The following ATL1 variants were observed in gnomAD, a reference collection of about 807,000 sequenced individuals.
ATL1 encodes atlastin GTPase 1, also known as atlastin-1.
Under a neutral mutation model 75.5 loss-of-function variants are expected in ATL1, and 31 were observed. The observed-to-expected ratio is 0.41, with a 90% confidence interval of 0.31 to 0.55. The LOEUF (loss-of-function observed/expected upper bound fraction) is 0.55, where lower values mean the gene tolerates loss of function less well. Among genes scored for constraint, ATL1 ranks in the 20% least tolerant of loss-of-function variants. ATL1 has a pLI of 0.27. For synonymous variants in ATL1, 226 were observed against 233.3 expected (o/e 0.97, Z 0.28); for missense variants, 405 against 662.6 (o/e 0.61, Z 4.27).
intron 8 of ATL1, among the ~76,000 whole-genome samples, chr14:50,619,092 G>A (rs769410334): frequency 6.6e-6 from 1 of 151,892 alleles, no homozygotes; most frequent in African/African-American, 2.4e-5. Flanking sequence ...TCCCTCTGTC[G>A]CCCAAGCTGG....
rs2039590129 is a variant in ATL1, at chr14:50,632,288, C to G, written c.1626C>G (p.Phe542Leu). 6.2e-7 allele frequency: 1 copy of G among 1,613,524 alleles called. No homozygotes were observed. Among genetic ancestry groups the G allele is most frequent in the African/African-American group, 1.3e-5 (1 of 74,892 alleles). The change falls in exon 14 of 14, where the codon TTC becomes TTG. Residue 542 changes from phenylalanine (F) to leucine (L), a missense_variant. Transcript: ENST00000358385. ...ACAGACATCTGTATCATCAAGCTTT[C>G]CCTACACCAAAGTCGGAATCTACTG... is the stretch of plus-strand genomic sequence containing the variant. ...ATHRHLYHQA[F>L]PTPKSESTEQ...
chr14:50,597,769 A>C (rs535513945), intron 6 of ATL1, among the ~76,000 whole-genome samples: 1 of 152,044 alleles, frequency 6.6e-6, no homozygotes, highest in Non-Finnish European at 1.5e-5. Flanking sequence ...ATCTCGGCTC[A>C]CTGCAAGCTC....
intron 6 of ATL1, among the ~76,000 whole-genome samples, chr14:50,598,379 G>A (rs940638636): frequency 1.3e-5 from 2 of 151,098 alleles, no homozygotes; most frequent in Admixed American, 6.6e-5. Flanking sequence ...TTTTTGAGAC[G>A]GAGTCTTGCT....
At position 50,620,542 on chromosome 14, in the gene ATL1, G is replaced by A. The variant is rs2039457581; in HGVS notation, c.863-57G>A. The stretch of plus-strand genomic sequence containing the variant: ...GAGATCAAAGGATGTTTTATTCTGT[G>A]GCATGGAGGACTGGGAAGGATTCCA... On this transcript the variant is annotated intron_variant, in intron 8 of 13. Coordinates refer to ENST00000358385, the MANE Select transcript of ATL1 (RefSeq NM_015915.5). 16 of 1,556,974 alleles carry A rather than the reference G, an allele frequency of 1.0e-5. No individual in the cohort carries two copies. In the South Asian group the frequency reaches 1.8e-4, roughly 17 times the overall value.
intron 1 of ATL1, among the ~76,000 whole-genome samples, chr14:50,535,584 T>C (rs1306388853): frequency 1.2e-5 from 1 of 83,952 alleles, no homozygotes; most frequent in African/African-American, 3.1e-5. Flanking sequence ...TATTAAACTA[T>C]TGTTTTACTA....
chr14:50,582,854 A>T (rs1412685873), intron 1 of ATL1, among the ~76,000 whole-genome samples: 2 of 152,166 alleles, frequency 1.3e-5, no homozygotes, highest in Non-Finnish European at 2.9e-5. Flanking sequence ...ATCTTAGCAA[A>T]CTGAATCCAA....
chr14:50,591,658 TTGA>T lies in ATL1; in HGVS notation c.522+25_522+27del, dbSNP rs756989898. ...AATACAGGTATGAAATAAGCCCATT[TTGA>T]TGATGTTTCTTTAACTAAAAATTAT... is the stretch of plus-strand genomic sequence containing the variant. On this transcript the variant is annotated intron_variant, in intron 4 of 13. Coordinates refer to ENST00000358385, the MANE Select transcript of ATL1 (RefSeq NM_015915.5). 27 of 1,549,038 alleles carry T rather than the reference TTGA, an allele frequency of 1.7e-5. 1 individual carries two copies. In the Admixed American group the frequency reaches 2.2e-4, roughly 12 times the overall value.
chr14:50,557,676 A>T (rs1402750480), upstream of ATL1, among the ~76,000 whole-genome samples: 1 of 152,218 alleles, frequency 6.6e-6, no homozygotes, highest in Non-Finnish European at 1.5e-5. Context: ...TTTTCATACT[A>T]TTGAGGTATT....
intron 1 of ATL1, among the ~76,000 whole-genome samples, chr14:50,573,013 A>G (rs1373381346): frequency 2.0e-5 from 3 of 152,138 alleles, no homozygotes; most frequent in Admixed American, 2.0e-4. Context: ...TAATGGGGTA[A>G]AAGCCCCTTA....
chr14:50,587,995 G>T lies in ATL1; in HGVS notation c.199G>T (p.Val67Phe), dbSNP rs746927118. The T allele has an allele frequency of 1.2e-6, 2 of 1,614,164 alleles. No individual in the cohort carries two copies. The highest frequency in any genetic ancestry group is 1.7e-6 in the Non-Finnish European group (2 of 1,180,028). ...CTCGGAGGCTGTCAGAGACAAGGAG[G>T]TTGTTGCTGTATCTGTTGCTGGAGC... ...LLSEAVRDKE[V>F]VAVSVAGAFR... Residue 67 changes from valine to phenylalanine, a missense_variant, in exon 2 of 14, where the codon GTT (valine) becomes TTT (phenylalanine). Val to Phe is a conservative substitution (Grantham distance 50). Around this residue, in one of 5 missense-constraint regions of ATL1, gnomAD observed 126 missense variants for 172.0 expected, o/e 0.73. Coordinates refer to ENST00000358385, the MANE Select transcript of ATL1 (RefSeq NM_015915.5).
chr14:50,574,665 T>G (rs1402093166), intron 1 of ATL1, among the ~76,000 whole-genome samples: 3 of 152,068 alleles, frequency 2.0e-5, no homozygotes, highest in Non-Finnish European at 4.4e-5. Flanking sequence ...TTAAAACATG[T>G]GAACATATTT....
chr14:50,552,766 G>T (rs1275765664), intron 1 of ATL1, among the ~76,000 whole-genome samples: 3 of 152,124 alleles, frequency 2.0e-5, no homozygotes, highest in Non-Finnish European at 4.4e-5. Context: ...AGTGGGGAAA[G>T]GATACCCTAT....
At chr14:50,590,701 C>T (rs1262117950) in intron 2 of ATL1, among the ~76,000 whole-genome samples, 2 of 152,030 alleles carry the variant, frequency 1.3e-5, no homozygotes, top group Non-Finnish European at 2.9e-5. Context: ...TGTGAATTTC[C>T]TCTGGTCTGC....
intron 6 of ATL1, among the ~76,000 whole-genome samples, chr14:50,602,566 A>C (rs1168870277): frequency 1.3e-5 from 2 of 152,050 alleles, no homozygotes; most frequent in African/African-American, 4.8e-5. Flanking sequence ...AGATGTCAAT[A>C]CATTTCTCAG....
chr14:50,597,942 G>A (rs1257894084), intron 6 of ATL1, among the ~76,000 whole-genome samples: 2 of 152,048 alleles, frequency 1.3e-5, no homozygotes, highest in African/African-American at 2.4e-5. Context: ...TGATCCATCC[G>A]TCTCGGCCTC....
chr14:50,607,813 GACAT>G (rs1298609151), intron 6 of ATL1, among the ~76,000 whole-genome samples: 1 of 151,858 alleles, frequency 6.6e-6, no homozygotes, highest in Non-Finnish European at 1.5e-5. Flanking sequence ...TTTTTATACT[GACAT>G]AGTCAACTCA....
intron 1 of ATL1, among the ~76,000 whole-genome samples, chr14:50,584,539 T>TAAAAATAA (rs2039084272): frequency 6.6e-6 from 1 of 151,802 alleles, no homozygotes; most frequent in Non-Finnish European, 1.5e-5. Flanking sequence ...TTGTCTCTAC[T>TAAAAATAA]AAAAATAAAA....
At chr14:50,595,802 C>T (rs1040258347) in intron 6 of ATL1, among the ~76,000 whole-genome samples, 170 bp downstream of exon 6, 3 of 151,694 alleles carry the variant, frequency 2.0e-5, no homozygotes, top group Non-Finnish European at 4.4e-5. Flanking sequence ...ATGAGGAAAT[C>T]GAATTTTTAA....
At chr14:50,595,871 A>C (rs1422253215) in intron 6 of ATL1, among the ~76,000 whole-genome samples, 5 of 144,592 alleles carry the variant, frequency 3.5e-5, no homozygotes. Flanking sequence ...TTCTGGTTCC[A>C]GGCAAAATGT....
Sources: gnomAD v4.1 joint callset for allele counts (sites outside exome capture counted in the v4.1 genomes callset) on GRCh38, gnomAD v4.1.1 for gene constraint, gnomAD v4.1.1 regional missense constraint, MANE v1.5 for transcripts, NCBI Gene and HGNC (gene_info 2026-07-23, HGNC 2026-07-21) for gene names.